DGKG: variants seen among roughly 807,000 people sequenced by gnomAD.
The protein encoded by DGKG is DAG kinase gamma.
Under a neutral mutation model 105.3 loss-of-function variants are expected in DGKG, and 78 were observed. The ratio of observed to expected loss-of-function variants is 0.74; its 90% confidence interval spans 0.62 to 0.89. The LOEUF is 0.89. Ranked by LOEUF, DGKG falls within the 40% of genes least tolerant of loss-of-function variation. The probability of loss-of-function intolerance (pLI) is 0.00; values close to 1 mark genes in which losing one functional copy is unlikely to be tolerated. For missense variants in DGKG, 958 were observed against 1,020.1 expected, an observed-to-expected ratio of 0.94 and a Z score of 0.83; for synonymous variants, 346 against 367.1, an observed-to-expected ratio of 0.94 and a Z score of 0.66.
chr3:186,267,229 T>C (rs1239357153), intron 13 of DGKG, among the ~76,000 whole-genome samples: 1 of 152,150 alleles, frequency 6.6e-6, no homozygotes, highest in Non-Finnish European at 1.5e-5. Flanking sequence ...TGAGGTTCCT[T>C]GTGCTGTGCT....
intron 19 of DGKG, among the ~76,000 whole-genome samples, chr3:186,248,400 T>A (rs1011641785): frequency 6.6e-6 from 1 of 152,242 alleles, no homozygotes; most frequent in Admixed American, 6.5e-5. Flanking sequence ...CCTCCTTCCT[T>A]GCTTCCCTCT....
intron 1 of DGKG, among the ~76,000 whole-genome samples, chr3:186,329,098 ATCT>A (rs1196609601): frequency 1.3e-5 from 2 of 152,148 alleles, no homozygotes; most frequent in Non-Finnish European, 2.9e-5. Flanking sequence ...AGTATGAACA[ATCT>A]TCTTATTACC....
At position 186,297,066 on chromosome 3, in the gene DGKG, TCTCACA is replaced by T. The variant is rs1293478909; in HGVS notation, c.373+349_373+354del. 4.1e-4 allele frequency among the ~76,000 whole-genome samples: 51 copies of T among 123,742 alleles called. No homozygotes were observed. In the East Asian group the frequency reaches 8.4e-3, roughly 20 times the overall value. 81.2% of individuals were successfully genotyped at this position (123,742 alleles called of 152,430 possible). A position where few individuals can be genotyped will look rare whatever the true frequency, so the allele number is the denominator to read the frequency against. On this transcript the variant is annotated intron_variant, in intron 5 of 24. Transcript: ENST00000265022. ...CTCTCTCTGTCTGTCTGTCTGTCTCTCTCACACACACACACACACACACACACACAC... is the reference window on the plus strand; with the variant it reads ...CTCTCTCTGTCTGTCTGTCTGTCTCTCACACACACACACACACACACACAC...
intron 19 of DGKG, among the ~76,000 whole-genome samples, chr3:186,243,634 T>C (rs947254690): frequency 3.3e-5 from 5 of 152,136 alleles, no homozygotes; most frequent in Admixed American, 3.3e-4. Context: ...AGCAGAAGAA[T>C]GTGTAACGCC....
chr3:186,211,519 C>T (rs1308094039), intron 21 of DGKG, among the ~76,000 whole-genome samples: 1 of 152,278 alleles, frequency 6.6e-6, no homozygotes, highest in South Asian at 2.1e-4. Context: ...GAGGGAATCG[C>T]AAGGCCACGG....
At chr3:186,323,623 C>T (rs564824670) in intron 1 of DGKG, among the ~76,000 whole-genome samples, 26 of 152,110 alleles carry the variant, frequency 1.7e-4, no homozygotes, top group Admixed American at 5.2e-4. Context: ...GAAACCTTGT[C>T]TCTACTAAAA....
At chr3:186,205,284 GA>G (rs1202847345) in intron 21 of DGKG, among the ~76,000 whole-genome samples, 1 of 141,782 alleles carries the variant, frequency 7.1e-6, no homozygotes, top group Non-Finnish European at 1.5e-5. Context: ...AAAAAAAAGT[GA>G]CCAACCTGCT....
chr3:186,148,741 GT>G lies in DGKG; in HGVS notation c.*1348del. ...CCAGCCCAGCAGGTCTTTCATGCTT[GT>G]TTTGAGGATCCAGAATAGGAGTTCT... is the stretch of plus-strand genomic sequence containing the variant. On this transcript the variant is annotated 3_prime_UTR_variant, in exon 25 of 25. Coordinates refer to ENST00000265022, the MANE Select transcript of DGKG (RefSeq NM_001346.3). 1.0e-6 allele frequency: 1 copy of G among 985,334 alleles called. No individual in the cohort carries two copies. Among genetic ancestry groups the G allele is most frequent in the Non-Finnish European group, 1.2e-6 (1 of 829,780 alleles). 61.0% of individuals were successfully genotyped at this position (985,334 alleles called of 1,614,324 possible).
intron 1 of DGKG, among the ~76,000 whole-genome samples, chr3:186,325,137 T>C (rs1725274038): frequency 1.3e-5 from 2 of 151,700 alleles, no homozygotes; most frequent in African/African-American, 4.9e-5. Flanking sequence ...AAATAGAAAA[T>C]ATGTGAAAAC....
chr3:186,283,971 A>T (rs1331226814), intron 7 of DGKG, among the ~76,000 whole-genome samples: 3 of 152,210 alleles, frequency 2.0e-5, no homozygotes, highest in Non-Finnish European at 4.4e-5. Flanking sequence ...CAGTCAGGAC[A>T]ACAGGGCCTG....
chr3:186,148,316 G>A lies in DGKG; in HGVS notation c.*1774C>T. The A allele has an allele frequency of 1.0e-6, 1 of 985,504 alleles. No individual in the cohort carries two copies. Among genetic ancestry groups the A allele is most frequent in the Non-Finnish European group, 1.2e-6 (1 of 829,964 alleles). 61.0% of individuals were successfully genotyped at this position (985,504 alleles called of 1,614,324 possible). A position where few individuals can be genotyped will look rare whatever the true frequency, so the allele number is the denominator to read the frequency against. ...CCACTGAGGTCATCCCTGCAGCCAA[G>A]GTTGTTTCCAAACTAAGAGACTATG... On this transcript the variant is annotated 3_prime_UTR_variant, in exon 25 of 25. Coordinates refer to ENST00000265022, the MANE Select transcript of DGKG (RefSeq NM_001346.3).
chr3:186,158,833 C>G, intron 24 of DGKG: 1 of 915,820 alleles, frequency 1.1e-6, no homozygotes, highest in Non-Finnish European at 1.3e-6. Flanking sequence ...CACTATATCT[C>G]ATAATTGAAT....
Position 186,313,458 on chromosome 3 carries a change from T to C in DGKG, c.68-6481A>G, listed in dbSNP as rs962454610. The C allele has an allele frequency of 1.0e-5, 10 of 972,198 alleles. No homozygotes were observed. In the African/African-American group the frequency reaches 1.6e-4, roughly 15 times the overall value. The allele number at this position is 972,198 out of a possible 1,614,324, so 60.2% of individuals were successfully genotyped here. On this transcript the variant is annotated intron_variant, in intron 2 of 24. Coordinates refer to ENST00000265022, the MANE Select transcript of DGKG (RefSeq NM_001346.3). Reference sequence around the variant, plus strand: ...TTTGTGTAAGTAAAATTTGTATTGCTAGAACATTTTCTCACCTTTTCTCCA... The same window carrying C: ...TTTGTGTAAGTAAAATTTGTATTGCCAGAACATTTTCTCACCTTTTCTCCA...
At chr3:186,315,603 T>C (rs1044971128) in intron 2 of DGKG, among the ~76,000 whole-genome samples, 2 of 151,628 alleles carry the variant, frequency 1.3e-5, no homozygotes, top group Admixed American at 6.6e-5. Flanking sequence ...TGTGAGTCTA[T>C]GAATACAGCC....
chr3:186,288,295 A>G (rs1050904520), intron 6 of DGKG, among the ~76,000 whole-genome samples: 3 of 152,206 alleles, frequency 2.0e-5, no homozygotes, highest in African/African-American at 4.8e-5. Context: ...CTCATAGTTA[A>G]AGAGTTGCCT....
chr3:186,149,317 A>G lies in DGKG; in HGVS notation c.*773T>C. On this transcript the variant is annotated 3_prime_UTR_variant, in exon 25 of 25. Transcript: ENST00000265022. ...TCCCAGTTTCTCCGCTCTCCCTCCC[A>G]GGTGTTCACAGAACTAAGAAAATAA... The G allele has an allele frequency of 1.0e-6, 1 of 985,296 alleles. No homozygotes were observed. The highest frequency in any genetic ancestry group is 1.2e-6 in the Non-Finnish European group (1 of 829,916). The allele number at this position is 985,296 out of a possible 1,614,324, so 61.0% of individuals were successfully genotyped here. A position where few individuals can be genotyped will look rare whatever the true frequency, so the allele number is the denominator to read the frequency against.
At chr3:186,182,939 A>G (rs896626105) in intron 22 of DGKG, among the ~76,000 whole-genome samples, 9 of 152,204 alleles carry the variant, frequency 5.9e-5, no homozygotes, top group African/African-American at 2.2e-4. Context: ...ATGAGAACAC[A>G]CATGCCCGTG....
chr3:186,223,692 T>G (rs561647610), intron 20 of DGKG, among the ~76,000 whole-genome samples: 5 of 152,268 alleles, frequency 3.3e-5, no homozygotes. Flanking sequence ...GCCAGCAAAA[T>G]CCTTTCTATT....
At chr3:186,328,008 G>C (rs1273164549) in intron 1 of DGKG, among the ~76,000 whole-genome samples, 4 of 151,952 alleles carry the variant, frequency 2.6e-5, no homozygotes, top group Non-Finnish European at 5.9e-5. Context: ...CCACCTTCCA[G>C]CCAAATCTAC....
Sources: gnomAD v4.1 joint callset for allele counts (sites outside exome capture counted in the v4.1 genomes callset) on GRCh38, gnomAD v4.1.1 for gene constraint, MANE v1.5 for transcripts, NCBI Gene and HGNC (gene_info 2026-07-23, HGNC 2026-07-21) for gene names.